FAM107B: variants seen among roughly 807,000 people sequenced by gnomAD.
The protein encoded by FAM107B is family with sequence similarity 107 member B.
A neutral mutation model predicts 31.5 loss-of-function variants in FAM107B; 21 were observed. That is an observed-to-expected ratio of 0.67 (90% CI 0.47 to 0.96). The LOEUF is 0.96. Ranked by LOEUF, FAM107B falls within the 40% of genes least tolerant of loss-of-function variation. The probability of loss-of-function intolerance (pLI) is 0.00; values close to 1 mark genes in which losing one functional copy is unlikely to be tolerated. For synonymous variants in FAM107B, 157 were observed against 141.5 expected (o/e 1.11, Z -0.78); for missense variants, 452 against 377.1 (o/e 1.20, Z -1.64).
intron 1 of FAM107B, among the ~76,000 whole-genome samples, chr10:14,761,663 G>A (rs1037786331): frequency 3.9e-5 from 6 of 151,930 alleles, no homozygotes; most frequent in East Asian, 1.9e-4. Flanking sequence ...GCAGTGGTGC[G>A]ATCTCAGCTC....
intron 1 of FAM107B, among the ~76,000 whole-genome samples, chr10:14,692,333 G>A (rs1855157969): frequency 6.6e-6 from 1 of 152,066 alleles, no homozygotes. Flanking sequence ...TGGAGATTGG[G>A]GTATTCGTAG....
intron 1 of FAM107B, among the ~76,000 whole-genome samples, chr10:14,753,512 C>T (rs918977604): frequency 3.9e-5 from 6 of 152,326 alleles, no homozygotes; most frequent in African/African-American, 1.4e-4. Flanking sequence ...CTAGATTTTA[C>T]CAGAGAGCAC....
chr10:14,572,818 G>C (rs114081757), intron 2 of FAM107B, among the ~76,000 whole-genome samples: 2,487 of 145,176 alleles, frequency 0.017, 71 homozygotes, highest in African/African-American at 0.06. Flanking sequence ...ATATATATTA[G>C]ATTGGAAAAA....
chr10:14,765,202 G>A (rs747377343), intron 1 of FAM107B, among the ~76,000 whole-genome samples: 9 of 152,066 alleles, frequency 5.9e-5, no homozygotes, highest in South Asian at 2.1e-4. Context: ...GAAAATAAAC[G>A]GTGCTTTAAA....
intron 2 of FAM107B, among the ~76,000 whole-genome samples, chr10:14,546,800 A>G (rs1564550351): frequency 6.6e-6 from 1 of 152,234 alleles, no homozygotes; most frequent in Non-Finnish European, 1.5e-5. Context: ...AGTAAAGACC[A>G]GTCTAATTGA....
At chr10:14,698,584 C>T (rs1855322452) in intron 1 of FAM107B, among the ~76,000 whole-genome samples, 1 of 152,214 alleles carries the variant, frequency 6.6e-6, no homozygotes, top group South Asian at 2.1e-4. Context: ...CATGCTGTCA[C>T]ACTCATTTCA....
intron 2 of FAM107B, among the ~76,000 whole-genome samples, chr10:14,636,033 A>G (rs532792801): frequency 2.6e-5 from 4 of 152,316 alleles, no homozygotes; most frequent in East Asian, 1.9e-4. Context: ...AAATAATACC[A>G]TGACTTGTCT....
At chr10:14,688,383 A>G (rs1824325) in intron 1 of FAM107B, among the ~76,000 whole-genome samples, 1 of 152,112 alleles carries the variant, frequency 6.6e-6, no homozygotes, top group African/African-American at 2.4e-5. Context: ...TTAATACACT[A>G]CCTTTCATGT....
chr10:14,591,179 ACT>A (rs944000379), intron 2 of FAM107B, among the ~76,000 whole-genome samples: 32 of 152,210 alleles, frequency 2.1e-4, no homozygotes, highest in African/African-American at 7.2e-4. Flanking sequence ...TGAAAAAGAT[ACT>A]CTCTATCATG....
At chr10:14,772,360 A>AT (rs1554759123) in intron 1 of FAM107B, among the ~76,000 whole-genome samples, 398 of 137,896 alleles carry the variant, frequency 2.9e-3, no homozygotes, top group African/African-American at 0.013. Flanking sequence ...TCTTAAAAAA[A>AT]AAATATATAT....
intron 1 of FAM107B, among the ~76,000 whole-genome samples, chr10:14,688,008 C>CTGGGAAAGGCAGACCCACCTTCAATT (rs1483392484): frequency 6.6e-6 from 1 of 152,174 alleles, no homozygotes; most frequent in Non-Finnish European, 1.5e-5. Flanking sequence ...AGTCAGTGGG[C>CTGGGAAAGGCAGACCCACCTTCAATT]TGGGAAAGGC....
intron 2 of FAM107B, among the ~76,000 whole-genome samples, chr10:14,613,548 CTT>C (rs1852777474): frequency 6.6e-6 from 1 of 152,216 alleles, no homozygotes; most frequent in Non-Finnish European, 1.5e-5. Context: ...AATTTCCTCA[CTT>C]ACGCCCTACA....
At chr10:14,577,235 T>C (rs897813735) in intron 2 of FAM107B, among the ~76,000 whole-genome samples, 1 of 152,356 alleles carries the variant, frequency 6.6e-6, no homozygotes, top group Non-Finnish European at 1.5e-5. Context: ...TTCCATTCTC[T>C]GACAGAAAAC....
chr10:14,577,117 GC>G (rs1183387206), intron 2 of FAM107B, among the ~76,000 whole-genome samples: 1 of 152,170 alleles, frequency 6.6e-6, no homozygotes, highest in Non-Finnish European at 1.5e-5. Context: ...AAACATGCAT[GC>G]CTTTTATGGC....
chr10:14,648,219 AG>A (rs1853809215), intron 2 of FAM107B, among the ~76,000 whole-genome samples: 1 of 152,212 alleles, frequency 6.6e-6, no homozygotes, highest in Admixed American at 6.5e-5. Flanking sequence ...AGGCCTCACA[AG>A]GAAGCTTGAC....
At chr10:14,580,645 T>C (rs1851606340) in intron 2 of FAM107B, among the ~76,000 whole-genome samples, 1 of 152,220 alleles carries the variant, frequency 6.6e-6, no homozygotes, top group Admixed American at 6.5e-5. Flanking sequence ...AAAGCCTTTA[T>C]TCATTCATGC....
At chr10:14,672,092 T>A (rs902725975) in intron 1 of FAM107B, among the ~76,000 whole-genome samples, 4 of 88,744 alleles carry the variant, frequency 4.5e-5, no homozygotes, top group Non-Finnish European at 8.9e-5. Flanking sequence ...TCTTTTTATT[T>A]TTTATTTATT....
chr10:14,527,393 G>C (rs1450926295), intron 3 of FAM107B, among the ~76,000 whole-genome samples: 2 of 152,182 alleles, frequency 1.3e-5, no homozygotes, highest in Non-Finnish European at 2.9e-5. Flanking sequence ...GAAGACCTGT[G>C]GGTACTTGTT....
intron 1 of FAM107B, among the ~76,000 whole-genome samples, chr10:14,684,118 T>A (rs1417703989): frequency 3.9e-5 from 6 of 152,198 alleles, no homozygotes; most frequent in Non-Finnish European, 2.9e-5. Flanking sequence ...CTCAGCTGTG[T>A]CCTCATATGC....
Sources: gnomAD v4.1 joint callset for allele counts (sites outside exome capture counted in the v4.1 genomes callset) on GRCh38, gnomAD v4.1.1 for gene constraint, MANE v1.5 for transcripts, NCBI Gene and HGNC (gene_info 2026-07-23, HGNC 2026-07-21) for gene names.